Variants in CCDC30 observed in about 807,000 individuals in gnomAD.
CCDC30 encodes coiled-coil domain-containing protein 30.
Under a neutral mutation model 100.2 loss-of-function variants are expected in CCDC30, and 70 were observed. That is an observed-to-expected ratio of 0.70 (90% CI 0.58 to 0.85). The LOEUF is 0.85. Among genes scored for constraint, CCDC30 ranks in the 40% least tolerant of loss-of-function variants. The pLI is 0.00. For missense variants in CCDC30, 652 were observed against 771.2 expected, an observed-to-expected ratio of 0.85 and a Z score of 1.83; for synonymous variants, 233 against 269.5, an observed-to-expected ratio of 0.86 and a Z score of 1.33.
rs35261350 is a variant in CCDC30 at position 42,520,978 on chromosome 1, C to CTTT, written c.456+22073_456+22075dup. Among the ~76,000 whole-genome samples the CTTT allele has an allele frequency of 2.6e-4, 34 of 133,304 alleles. 1 individual carries two copies. Among genetic ancestry groups the CTTT allele is most frequent in the Admixed American group, 4.6e-4 (6 of 13,128 alleles). The allele number at this position is 133,304 out of a possible 152,430, so 87.5% of individuals were successfully genotyped here. A position where few individuals can be genotyped will look rare whatever the true frequency, so the allele number is the denominator to read the frequency against. On this transcript the variant is annotated intron_variant, in intron 6 of 16. Coordinates refer to ENST00000668663, the Ensembl canonical transcript of CCDC30. ...CTCATCTTTAAGTATTTTCTTTTTT[C>CTTT]TTTTTTTTTTTTTGAGACGGAGTCT...
At chr1:42,568,982 G>T (rs1018879751) in intron 7 of CCDC30, 1 of 150,920 alleles carries the variant, frequency 6.6e-6, no homozygotes, top group Non-Finnish European at 1.5e-5. Context: ...TATCAAACTT[G>T]AGTATCTAGC....
intron 1 of CCDC30, among the ~76,000 whole-genome samples, chr1:42,475,644 T>A (rs1443765362): frequency 6.6e-6 from 1 of 152,216 alleles, no homozygotes; most frequent in African/African-American, 2.4e-5. Flanking sequence ...TCTAATGTTT[T>A]AAGTGTATTT....
chr1:42,639,244 GACAGAC>G (rs1026271508), intron 12 of CCDC30, among the ~76,000 whole-genome samples: 3 of 98,566 alleles, frequency 3.0e-5, no homozygotes, highest in Non-Finnish European at 8.2e-5. Flanking sequence ...AAAACACACA[GACAGAC>G]ACAGACAGGG....
At chr1:42,489,673 T>C (rs913066446) in intron 3 of CCDC30, among the ~76,000 whole-genome samples, 17 of 152,188 alleles carry the variant, frequency 1.1e-4, no homozygotes, top group African/African-American at 3.9e-4. Flanking sequence ...TTCCTAAATA[T>C]CACTGTGCCA....
At chr1:42,477,276 C>T (rs940076787) in intron 1 of CCDC30, among the ~76,000 whole-genome samples, 2 of 152,190 alleles carry the variant, frequency 1.3e-5, no homozygotes, top group Non-Finnish European at 2.9e-5. Flanking sequence ...TTCACCCAGG[C>T]TGGAGTGCAG....
At chr1:42,520,494 G>A (rs568571978) in intron 6 of CCDC30, among the ~76,000 whole-genome samples, 50 of 151,454 alleles carry the variant, frequency 3.3e-4, no homozygotes, top group Non-Finnish European at 5.5e-4. Flanking sequence ...ACCATGCCCG[G>A]CTAATTTTTG....
chr1:42,605,678 A>G (rs188076095), intron 10 of CCDC30, among the ~76,000 whole-genome samples: 8 of 152,102 alleles, frequency 5.3e-5, no homozygotes, highest in African/African-American at 1.4e-4. Flanking sequence ...GTAGAGACAG[A>G]GTTTCAATAT....
In CCDC30 at chr1:42,632,620, C is replaced by T. The variant is rs193125662; in HGVS notation, c.1278-4617C>T. 6.6e-3 allele frequency among the ~76,000 whole-genome samples: 998 copies of T among 150,960 alleles called. 5 individuals carry two copies. The highest frequency in any genetic ancestry group is 0.032 in the Middle Eastern group (9 of 284). On this transcript the variant is annotated intron_variant, in intron 11 of 16. Coordinates refer to ENST00000668663, the Ensembl canonical transcript of CCDC30. ...TACTAAAAATACAAAATTAGCCGGGCGTGATGGTGCATGCCTGTAATCCCA... is the reference window on the plus strand; with the variant it reads ...TACTAAAAATACAAAATTAGCCGGGTGTGATGGTGCATGCCTGTAATCCCA...
chr1:42,496,465 AAT>A (rs148092977), intron 4 of CCDC30, among the ~76,000 whole-genome samples: 33 of 151,162 alleles, frequency 2.2e-4, no homozygotes, highest in African/African-American at 6.3e-4. Flanking sequence ...TATTACTATA[AAT>A]ATATATATAT....
intron 6 of CCDC30, among the ~76,000 whole-genome samples, chr1:42,546,400 AT>A (rs369062508): frequency 0.15 from 14,680 of 97,422 alleles, 2,650 homozygotes; most frequent in African/African-American, 0.22. Flanking sequence ...AAAAAAAAAA[AT>A]ATATATATAT....
At chr1:42,567,789 AG>A (rs1194822375) in intron 7 of CCDC30, among the ~76,000 whole-genome samples, 4 of 152,240 alleles carry the variant, frequency 2.6e-5, no homozygotes, top group African/African-American at 9.6e-5. Flanking sequence ...AACAATGGCC[AG>A]AACTACACAG....
chr1:42,516,927 T>G (rs1164746713), intron 6 of CCDC30, among the ~76,000 whole-genome samples: 1 of 152,198 alleles, frequency 6.6e-6, no homozygotes, highest in African/African-American at 2.4e-5. Context: ...TGGAGAAATA[T>G]CTATTAAATT....
At chr1:42,638,672 G>A (rs1297504009) in intron 12 of CCDC30, among the ~76,000 whole-genome samples, 4 of 151,858 alleles carry the variant, frequency 2.6e-5, no homozygotes, top group African/African-American at 9.7e-5. Context: ...TCAGGAGTTC[G>A]AGACTAGCCT....
At chr1:42,496,488 A>G (rs1466119308) in intron 4 of CCDC30, among the ~76,000 whole-genome samples, 1 of 151,878 alleles carries the variant, frequency 6.6e-6, no homozygotes, top group Non-Finnish European at 1.5e-5. Flanking sequence ...AAATGTCTGA[A>G]AATATTTACT....
chr1:42,641,996 T>G (rs534950692), intron 12 of CCDC30, among the ~76,000 whole-genome samples: 28 of 152,048 alleles, frequency 1.8e-4, no homozygotes, highest in Admixed American at 1.0e-3. Flanking sequence ...GAGGCCAAGG[T>G]GGGCGGATCA....
In CCDC30 at chr1:42,589,778, G is replaced by T. The variant is rs560382682; in HGVS notation, c.1164+295G>T. 69 of 233,684 alleles carry T rather than the reference G, an allele frequency of 3.0e-4. No individual in the cohort carries two copies. The South Asian group carries it at 5.7e-3, about 19-fold the overall frequency. 14.5% of individuals were successfully genotyped at this position (233,684 alleles called of 1,614,324 possible). On this transcript the variant is annotated intron_variant, in intron 10 of 16. Coordinates refer to ENST00000668663, the Ensembl canonical transcript of CCDC30. ...AGCCACCTCCTGCAGCGTCAAAGTG[G>T]AGAATTTGCAGGAACTGTCCTGAAG... is the stretch of plus-strand genomic sequence containing the variant.
At chr1:42,533,968 CA>C (rs11333709) in intron 6 of CCDC30, 58,642 of 151,942 alleles carry the variant, frequency 0.39, 11,777 homozygotes, top group East Asian at 0.59. Context: ...TAGGCTCCCT[CA>C]AGCTACTCAG....
At chr1:42,535,042 A>C (rs1228898235) in intron 6 of CCDC30, 2 of 152,204 alleles carry the variant, frequency 1.3e-5, no homozygotes, top group African/African-American at 4.8e-5. Context: ...GGTAAGGCAG[A>C]CACCATAAGG....
chr1:42,482,974 AT>A, intron 3 of CCDC30, 158 bp downstream of exon 3: 1 of 505,510 alleles, frequency 2.0e-6, no homozygotes, highest in Non-Finnish European at 3.1e-6. Context: ...CATGCTAGGA[AT>A]TTTTGTCAAA....
Sources: allele counts gnomAD v4.1 joint callset (sites outside exome capture counted in the v4.1 genomes callset), GRCh38; gene constraint gnomAD v4.1.1; transcripts MANE v1.5; gene names NCBI Gene and HGNC (gene_info 2026-07-23, HGNC 2026-07-21).